Variants in SLC9A9 observed in about 807,000 individuals in gnomAD.
The protein encoded by SLC9A9 is solute carrier family 9 member A9.
A neutral mutation model predicts 77.8 loss-of-function variants in SLC9A9; 62 were observed. The ratio of observed to expected loss-of-function variants is 0.80; its 90% confidence interval spans 0.65 to 0.98. The LOEUF (loss-of-function observed/expected upper bound fraction) is 0.98, where lower values mean the gene tolerates loss of function less well. SLC9A9 is among the 50% of genes least tolerant of loss of function. SLC9A9 has a pLI of 0.00. For synonymous variants in SLC9A9, 320 were observed against 283.5 expected, an observed-to-expected ratio of 1.13 and a Z score of -1.29; for missense variants, 775 against 774.9, an observed-to-expected ratio of 1.00 and a Z score of 0.00.
chr3:143,656,646 C>T (rs756194188), intron 5 of SLC9A9, among the ~76,000 whole-genome samples: 3 of 152,134 alleles, frequency 2.0e-5, no homozygotes, highest in Non-Finnish European at 4.4e-5. Flanking sequence ...ACAAGATCTG[C>T]CTAGGTCGAA....
rs552234379 is a variant in SLC9A9 at position 143,478,493 on chromosome 3, C to T, written c.1316-11303G>A. On this transcript the variant is annotated intron_variant, in intron 11 of 15. Coordinates refer to ENST00000316549, the MANE Select transcript of SLC9A9 (RefSeq NM_173653.4). ...TGGGAGGTGGGGCTAGGATCCTGCC[C>T]TACTCACAGAGGCTTGGTCAGTCTG... Among the ~76,000 whole-genome samples, 6 of 152,276 alleles carry T rather than the reference C, an allele frequency of 3.9e-5. No homozygotes were observed. The East Asian group carries it at 1.2e-3, about 29-fold the overall frequency.
intron 13 of SLC9A9, among the ~76,000 whole-genome samples, chr3:143,380,465 T>TC (rs1469929980): frequency 2.4e-5 from 1 of 41,764 alleles, no homozygotes; most frequent in African/African-American, 1.5e-4. Flanking sequence ...TAGATAAAAG[T>TC]TTTCTTGAAG....
rs1006466653 is a variant in SLC9A9 at position 143,468,682 on chromosome 3, T to C, written c.1316-1492A>G. 3.9e-5 allele frequency among the ~76,000 whole-genome samples: 6 copies of C among 152,240 alleles called. No individual in the cohort carries two copies. In the South Asian group the frequency reaches 1.0e-3, roughly 26 times the overall value. On this transcript the variant is annotated intron_variant, in intron 11 of 15. Coordinates refer to ENST00000316549, the MANE Select transcript of SLC9A9 (RefSeq NM_173653.4). ...CAGACAACAAAGAAAACTAAGCTTATGGACCACTGAAAATTAAATAATTAA... is the reference window on the plus strand; with the variant it reads ...CAGACAACAAAGAAAACTAAGCTTACGGACCACTGAAAATTAAATAATTAA...
chr3:143,582,984 C>A (rs1209578518), intron 6 of SLC9A9, among the ~76,000 whole-genome samples: 2 of 151,988 alleles, frequency 1.3e-5, no homozygotes, highest in Non-Finnish European at 1.5e-5. Context: ...AAAACCCCAT[C>A]TCTAAAAAAA....
chr3:143,482,092 C>T (rs2035584347), intron 11 of SLC9A9, among the ~76,000 whole-genome samples: 1 of 152,186 alleles, frequency 6.6e-6, no homozygotes, highest in African/African-American at 2.4e-5. Flanking sequence ...TTCTATAGAA[C>T]ACTGGGGTTC....
At chr3:143,639,561 G>A (rs2038586082) in intron 6 of SLC9A9, among the ~76,000 whole-genome samples, 1 of 152,168 alleles carries the variant, frequency 6.6e-6, no homozygotes, top group South Asian at 2.1e-4. Flanking sequence ...ATCAAACACT[G>A]CTAGTCTTCT....
At chr3:143,781,651 T>A (rs973981244) in intron 4 of SLC9A9, among the ~76,000 whole-genome samples, 21 of 152,210 alleles carry the variant, frequency 1.4e-4, no homozygotes, top group Non-Finnish European at 2.8e-4. Context: ...AGGAAACACA[T>A]GCAACCCCAG....
chr3:143,518,707 A>G (rs927962722), intron 9 of SLC9A9, among the ~76,000 whole-genome samples: 1 of 152,218 alleles, frequency 6.6e-6, no homozygotes, highest in Admixed American at 6.5e-5. Flanking sequence ...TGGCTTGGCT[A>G]TAGTTATGAT....
chr3:143,459,211 T>A (rs2035147213), intron 12 of SLC9A9, among the ~76,000 whole-genome samples: 1 of 152,092 alleles, frequency 6.6e-6, no homozygotes, highest in Non-Finnish European at 1.5e-5. Context: ...GATTCATTAA[T>A]TCCAATATAT....
intron 8 of SLC9A9, among the ~76,000 whole-genome samples, chr3:143,571,916 G>T (rs2037263811): frequency 6.6e-6 from 1 of 152,174 alleles, no homozygotes; most frequent in Admixed American, 6.5e-5. Context: ...AAGCGGTCTT[G>T]GTCTTTGGCA....
At chr3:143,625,197 A>G (rs145605943) in intron 6 of SLC9A9, among the ~76,000 whole-genome samples, 2,774 of 152,334 alleles carry the variant, frequency 0.018, 41 homozygotes, top group Middle Eastern at 0.031. Flanking sequence ...GCCCAAGGCA[A>G]TTTATAAATT....
chr3:143,448,932 A>G (rs2034900702), intron 12 of SLC9A9, among the ~76,000 whole-genome samples: 1 of 15,392 alleles, frequency 6.5e-5, no homozygotes. Context: ...ATTATAATAT[A>G]TAATATGATA....
intron 4 of SLC9A9, among the ~76,000 whole-genome samples, chr3:143,769,332 A>C (rs188498683): frequency 7.2e-5 from 11 of 152,290 alleles, no homozygotes; most frequent in African/African-American, 2.4e-4. Flanking sequence ...TCCTATACCC[A>C]GAAATCTAAC....
intron 12 of SLC9A9, among the ~76,000 whole-genome samples, chr3:143,463,583 G>C (rs764809264): frequency 1.3e-5 from 2 of 152,162 alleles, no homozygotes; most frequent in Non-Finnish European, 2.9e-5. Flanking sequence ...CAGTATTAAT[G>C]TATTCCACAG....
At chr3:143,844,461 A>G (rs960936080) in intron 1 of SLC9A9, among the ~76,000 whole-genome samples, 2 of 152,204 alleles carry the variant, frequency 1.3e-5, no homozygotes, top group Admixed American at 6.5e-5. Flanking sequence ...GATGCTGGGG[A>G]AAAACATTTA....
At chr3:143,487,853 C>A (rs2108586218) in intron 11 of SLC9A9, among the ~76,000 whole-genome samples, 1 of 150,574 alleles carries the variant, frequency 6.6e-6, no homozygotes. Context: ...AAAAGAAAAA[C>A]AAATTAAACC....
At chr3:143,798,318 C>G (rs1015204289) in intron 2 of SLC9A9, among the ~76,000 whole-genome samples, 1 of 152,154 alleles carries the variant, frequency 6.6e-6, no homozygotes, top group Non-Finnish European at 1.5e-5. Flanking sequence ...TGTGGGGATG[C>G]CTGCCTGATT....
intron 13 of SLC9A9, among the ~76,000 whole-genome samples, chr3:143,373,943 TATC>T (rs894900989): frequency 1.3e-5 from 2 of 152,060 alleles, no homozygotes; most frequent in African/African-American, 4.8e-5. Flanking sequence ...TGATGAAAAA[TATC>T]AACCAAGAGT....
intron 5 of SLC9A9, among the ~76,000 whole-genome samples, chr3:143,687,776 T>C (rs1933319673): frequency 6.6e-6 from 1 of 152,110 alleles, no homozygotes; most frequent in South Asian, 2.1e-4. Context: ...TGAGAAATGC[T>C]ATCTTCTACT....
Sources: allele counts gnomAD v4.1 joint callset (sites outside exome capture counted in the v4.1 genomes callset), GRCh38; gene constraint gnomAD v4.1.1; transcripts MANE v1.5; gene names NCBI Gene and HGNC (gene_info 2026-07-23, HGNC 2026-07-21).